CHRNA7: variants seen among roughly 807,000 people sequenced by gnomAD.
CHRNA7 encodes cholinergic receptor nicotinic alpha 7 subunit.
A neutral mutation model predicts 48.0 loss-of-function variants in CHRNA7; 17 were observed. The ratio of observed to expected loss-of-function variants is 0.35; its 90% CI spans 0.24 to 0.53. The LOEUF (loss-of-function observed/expected upper bound fraction) is 0.53. Among genes scored for constraint, CHRNA7 ranks in the 20% least tolerant of loss-of-function variants. The pLI is 0.92. For missense variants in CHRNA7, 155 were observed against 577.7 expected, an observed-to-expected ratio of 0.27 and a Z score of 7.50; for synonymous variants, 75 against 242.3, an observed-to-expected ratio of 0.31 and a Z score of 6.41.
intron 4 of CHRNA7, among the ~76,000 whole-genome samples, chr15:32,132,227 G>A (rs770156548): frequency 7.2e-5 from 11 of 152,250 alleles, no homozygotes; most frequent in Middle Eastern, 6.8e-3. Context: ...TGGCGAGAGA[G>A]GGCAAGCTTT....
At chr15:32,063,333 C>T (rs2049910517) in intron 2 of CHRNA7, among the ~76,000 whole-genome samples, 1 of 152,194 alleles carries the variant, frequency 6.6e-6, no homozygotes, top group Admixed American at 6.5e-5. Flanking sequence ...GGACCACTTT[C>T]AGATACGCTG....
At chr15:32,116,463 G>A (rs529625271) in intron 4 of CHRNA7, among the ~76,000 whole-genome samples, 8 of 152,342 alleles carry the variant, frequency 5.3e-5, no homozygotes, top group African/African-American at 1.9e-4. Context: ...ACGAATAAAA[G>A]CGTCTCTGTC....
At chr15:32,072,580 A>G (rs2050075118) in intron 2 of CHRNA7, among the ~76,000 whole-genome samples, 1 of 152,134 alleles carries the variant, frequency 6.6e-6, no homozygotes, top group Non-Finnish European at 1.5e-5. Context: ...AATCTTTGGG[A>G]CAGAAGTTCC....
At chr15:32,033,653 G>A (rs962218021) in intron 2 of CHRNA7, among the ~76,000 whole-genome samples, 8 of 152,206 alleles carry the variant, frequency 5.3e-5, no homozygotes, top group Non-Finnish European at 1.2e-4. Context: ...GGCTCTGCCT[G>A]GTTTTTGAAG....
chr15:32,095,614 G>T (rs1407257645), intron 2 of CHRNA7, among the ~76,000 whole-genome samples: 1 of 152,154 alleles, frequency 6.6e-6, no homozygotes, highest in Non-Finnish European at 1.5e-5. Context: ...TCAGTCTGCT[G>T]CTGGTCCCTA....
At chr15:32,163,150 A>ATCAGGTTCTCTGACCG in intron 8 of CHRNA7, 76 bp from the exon 9 acceptor site, 1 of 389,316 alleles carries the variant, frequency 2.6e-6, no homozygotes, top group Non-Finnish European at 4.0e-6. Flanking sequence ...AGAGAACCTG[A>ATCAGGTTCTCTGACCG]TCAGGGTGTG....
At chr15:32,075,640 A>G (rs1431359032) in intron 2 of CHRNA7, among the ~76,000 whole-genome samples, 1 of 151,918 alleles carries the variant, frequency 6.6e-6, no homozygotes, top group South Asian at 2.1e-4. Flanking sequence ...TTCTTTTTAG[A>G]GAACCAGCTC....
chr15:32,035,660 A>G (rs1902050251), intron 2 of CHRNA7, among the ~76,000 whole-genome samples: 1 of 152,210 alleles, frequency 6.6e-6, no homozygotes, highest in Non-Finnish European at 1.5e-5. Flanking sequence ...TTCATTAGCC[A>G]CTATTTAAAA....
intron 4 of CHRNA7, among the ~76,000 whole-genome samples, chr15:32,125,415 A>G (rs1286271835): frequency 6.6e-6 from 1 of 152,204 alleles, no homozygotes; most frequent in Non-Finnish European, 1.5e-5. Context: ...CTTCCCCTGC[A>G]GCTGGGCCAT....
At chr15:32,061,764 C>A (rs530996875) in intron 2 of CHRNA7, among the ~76,000 whole-genome samples, 12 of 152,092 alleles carry the variant, frequency 7.9e-5, no homozygotes, top group Admixed American at 7.9e-4. Context: ...GCTGAGATTG[C>A]ATCACTGCCC....
At chr15:32,141,986 T>A (rs1315301713) in intron 4 of CHRNA7, among the ~76,000 whole-genome samples, 2 of 152,174 alleles carry the variant, frequency 1.3e-5, no homozygotes, top group Non-Finnish European at 2.9e-5. Flanking sequence ...GAGGGCATCC[T>A]TGTCTTGTGC....
chr15:32,045,832 C>T (rs1444260405), intron 2 of CHRNA7, among the ~76,000 whole-genome samples: 1 of 120,660 alleles, frequency 8.3e-6, no homozygotes, highest in Non-Finnish European at 1.7e-5. Flanking sequence ...CCCCACCCCA[C>T]AACAGTCCCC....
In CHRNA7 at chr15:32,088,434, T is replaced by C. The variant is rs140215755; in HGVS notation, c.196-12869T>C. Among the ~76,000 whole-genome samples the C allele has an allele frequency of 2.0e-3, 300 of 152,310 alleles. 1 individual carries two copies. The highest frequency in any genetic ancestry group is 6.6e-3 in the African/African-American group (273 of 41,560). On this transcript the variant is annotated intron_variant, in intron 2 of 9. Coordinates refer to ENST00000306901, the MANE Select transcript of CHRNA7 (RefSeq NM_000746.6). ...TCTGTAGATATGTGTTTTTGAATCATTGGGTAAATATCTAGGAATATAGTT... is the reference window on the plus strand; with the variant it reads ...TCTGTAGATATGTGTTTTTGAATCACTGGGTAAATATCTAGGAATATAGTT...
At chr15:32,123,252 T>C (rs2051004868) in intron 4 of CHRNA7, among the ~76,000 whole-genome samples, 1 of 152,220 alleles carries the variant, frequency 6.6e-6, no homozygotes, top group Non-Finnish European at 1.5e-5. Flanking sequence ...TCGGCCTTCT[T>C]TGGTTCATGC....
chr15:32,127,575 G>A (rs1398287162), intron 4 of CHRNA7, among the ~76,000 whole-genome samples: 1 of 151,990 alleles, frequency 6.6e-6, no homozygotes, highest in Admixed American at 6.6e-5. Context: ...TTACTATGTG[G>A]TGGTTCGTCA....
intron 2 of CHRNA7, among the ~76,000 whole-genome samples, chr15:32,086,328 C>T (rs796770069): frequency 5.5e-5 from 8 of 146,624 alleles, no homozygotes; most frequent in African/African-American, 2.0e-4. Context: ...AAGATTGCAC[C>T]ACTGCACTCA....
intron 2 of CHRNA7, among the ~76,000 whole-genome samples, chr15:32,048,859 G>A (rs1021476852): frequency 1.3e-4 from 20 of 151,476 alleles, no homozygotes; most frequent in South Asian, 2.1e-4. Context: ...CAGAGATTCT[G>A]GTATGTTGTG....
chr15:32,034,141 G>A (rs1048766491), intron 2 of CHRNA7, among the ~76,000 whole-genome samples: 2 of 152,158 alleles, frequency 1.3e-5, no homozygotes, highest in Non-Finnish European at 2.9e-5. Context: ...AAAACATTGT[G>A]TTCAACTAGA....
chr15:32,144,690 C>T (rs988765332), intron 4 of CHRNA7, among the ~76,000 whole-genome samples: 25 of 152,312 alleles, frequency 1.6e-4, no homozygotes, highest in African/African-American at 6.0e-4. Flanking sequence ...GATATCCTTT[C>T]TTCCACTTGA....
Sources: gnomAD v4.1 joint callset for allele counts (sites outside exome capture counted in the v4.1 genomes callset) on GRCh38, gnomAD v4.1.1 for gene constraint, MANE v1.5 for transcripts, NCBI Gene and HGNC (gene_info 2026-07-23, HGNC 2026-07-21) for gene names.